Variants in SGCZ observed in about 807,000 individuals in gnomAD.
The protein encoded by SGCZ is zeta-sarcoglycan.
A neutral mutation model predicts 41.3 loss-of-function variants in SGCZ; 40 were observed. That is an observed-to-expected ratio of 0.97 (90% CI 0.75 to 1.26). SGCZ has a LOEUF of 1.26. Ranked by LOEUF, SGCZ falls within the 50% of genes most tolerant of loss-of-function variation. The pLI is 0.00. For missense variants in SGCZ, 552 were observed against 369.8 expected (o/e 1.49, Z -4.04); for synonymous variants, 206 against 137.5 (o/e 1.50, Z -3.49).
rs374980296 is a variant in SGCZ, at chr8:14,681,768, G to A, written c.40-126842C>T. Among the ~76,000 whole-genome samples, 281 of 152,206 alleles carry A rather than the reference G, an allele frequency of 1.8e-3. 3 individuals are homozygous for A. In the South Asian group the frequency reaches 0.021, roughly 11 times the overall value. ...TTCTTCTTGGTGAATGAATATCTTA[G>A]AGAGAGGTCTCTGCATGTTTTTTAA... On this transcript the variant is annotated intron_variant, in intron 1 of 7. Coordinates refer to ENST00000382080, the MANE Select transcript of SGCZ (RefSeq NM_139167.4).
At chr8:14,473,593 G>A (rs941558578) in intron 2 of SGCZ, among the ~76,000 whole-genome samples, 1 of 151,940 alleles carries the variant, frequency 6.6e-6, no homozygotes, top group Non-Finnish European at 1.5e-5. Flanking sequence ...AACATGTGGT[G>A]AAAATTCACA....
chr8:14,690,108 T>C (rs1808750872), intron 1 of SGCZ, among the ~76,000 whole-genome samples: 1 of 142,752 alleles, frequency 7.0e-6, no homozygotes, highest in Non-Finnish European at 1.6e-5. Context: ...TTGTGAGTGT[T>C]GTCTCTTTTT....
chr8:14,755,334 T>C (rs966724983), intron 1 of SGCZ, among the ~76,000 whole-genome samples: 2 of 152,180 alleles, frequency 1.3e-5, no homozygotes, highest in Non-Finnish European at 2.9e-5. Context: ...CTATTTGTTG[T>C]TATTGAACAC....
At chr8:14,802,540 T>C (rs950897352) in intron 1 of SGCZ, among the ~76,000 whole-genome samples, 21 of 152,310 alleles carry the variant, frequency 1.4e-4, no homozygotes, top group African/African-American at 4.8e-4. Context: ...AAATCAGTAA[T>C]GATCATTTGC....
At chr8:14,342,244 T>G (rs13252122) in intron 2 of SGCZ, among the ~76,000 whole-genome samples, 30,742 of 152,176 alleles carry the variant, frequency 0.2, 3,882 homozygotes, top group Non-Finnish European at 0.29. Context: ...TTGGCAGCAT[T>G]TTGCTCCTGC....
At chr8:15,018,622 G>A (rs1803132755) in intron 1 of SGCZ, among the ~76,000 whole-genome samples, 1 of 152,060 alleles carries the variant, frequency 6.6e-6, no homozygotes, top group South Asian at 2.1e-4. Context: ...CTAGAGGGCT[G>A]GAATGCAGGG....
chr8:14,344,908 T>G (rs973799947), intron 2 of SGCZ, among the ~76,000 whole-genome samples: 3 of 152,056 alleles, frequency 2.0e-5, no homozygotes, highest in African/African-American at 7.2e-5. Context: ...GCAGAGGGTT[T>G]CTAATGATAG....
intron 3 of SGCZ, among the ~76,000 whole-genome samples, chr8:14,284,144 C>T (rs773418442): frequency 6.6e-6 from 1 of 152,242 alleles, no homozygotes. Flanking sequence ...GCAATCCAAG[C>T]ACTTTGGAGT....
chr8:14,863,646 G>C (rs1563323332), intron 1 of SGCZ, among the ~76,000 whole-genome samples: 1 of 152,084 alleles, frequency 6.6e-6, no homozygotes, highest in Non-Finnish European at 1.5e-5. Context: ...AAAATATTTT[G>C]TTCTGTTTTC....
At chr8:14,731,649 G>GC (rs1405307579) in intron 1 of SGCZ, among the ~76,000 whole-genome samples, 1 of 152,026 alleles carries the variant, frequency 6.6e-6, no homozygotes, top group Non-Finnish European at 1.5e-5. Context: ...CTGTGTGTAT[G>GC]CCTCCTCCTA....
intron 1 of SGCZ, among the ~76,000 whole-genome samples, chr8:15,186,662 T>C (rs13250842): frequency 0.38 from 57,358 of 152,094 alleles, 12,913 homozygotes; most frequent in Non-Finnish European, 0.49. Flanking sequence ...TTCACAAAGT[T>C]GCAGAAGGTG....
chr8:15,054,529 C>T, intron 1 of SGCZ, among the ~76,000 whole-genome samples: 1 of 152,156 alleles, frequency 6.6e-6, no homozygotes, highest in East Asian at 1.9e-4. Context: ...ACCCTTTATT[C>T]CATGTCTTGG....
At chr8:14,854,154 A>G (rs1803459789) in intron 1 of SGCZ, among the ~76,000 whole-genome samples, 1 of 150,454 alleles carries the variant, frequency 6.6e-6, no homozygotes, top group African/African-American at 2.4e-5. Context: ...CATTATTGTT[A>G]TTAGTTTGAT....
At chr8:14,854,480 T>A (rs899890381) in intron 1 of SGCZ, among the ~76,000 whole-genome samples, 1 of 152,108 alleles carries the variant, frequency 6.6e-6, no homozygotes, top group African/African-American at 2.4e-5. Context: ...CAATAAGTTA[T>A]CAACTAAATA....
At chr8:15,202,998 T>A (rs1428161786) in intron 1 of SGCZ, among the ~76,000 whole-genome samples, 2 of 151,968 alleles carry the variant, frequency 1.3e-5, no homozygotes, top group African/African-American at 2.4e-5. Flanking sequence ...TAATTCCAGC[T>A]ACTTGGGAGG....
At chr8:15,131,510 A>C (rs1429154421) in intron 1 of SGCZ, among the ~76,000 whole-genome samples, 1 of 152,248 alleles carries the variant, frequency 6.6e-6, no homozygotes, top group Non-Finnish European at 1.5e-5. Flanking sequence ...TAATACACTA[A>C]GGAAGTTCCA....
chr8:14,591,508 T>A (rs1398123057), intron 1 of SGCZ, among the ~76,000 whole-genome samples: 3 of 152,072 alleles, frequency 2.0e-5, no homozygotes, highest in African/African-American at 7.2e-5. Context: ...AAAAGATGTT[T>A]TATCCTCGAA....
rs554705122 is a variant in SGCZ at position 14,746,207 on chromosome 8, G to A, written c.40-191281C>T. 3.3e-5 allele frequency among the ~76,000 whole-genome samples: 5 copies of A among 152,114 alleles called. No homozygotes were observed. In the South Asian group the frequency reaches 1.0e-3, roughly 32 times the overall value. ...CAAACGTAGAGATTTAAAAAAATGG[G>A]AACTGAATGTCAGTGGAATTTTTAA... is the stretch of plus-strand genomic sequence containing the variant. On this transcript the variant is annotated intron_variant, in intron 1 of 7. Transcript: ENST00000382080.
chr8:14,438,186 G>T (rs1800146429), intron 2 of SGCZ, among the ~76,000 whole-genome samples: 1 of 151,970 alleles, frequency 6.6e-6, no homozygotes, highest in Non-Finnish European at 1.5e-5. Flanking sequence ...AAATAAGGTG[G>T]ATGAGAAGTT....
Sources: gnomAD v4.1 joint callset for allele counts (sites outside exome capture counted in the v4.1 genomes callset) on GRCh38, gnomAD v4.1.1 for gene constraint, MANE v1.5 for transcripts, NCBI Gene and HGNC (gene_info 2026-07-23, HGNC 2026-07-21) for gene names.